The following CPA6 variants were observed in gnomAD, a reference collection of about 807,000 sequenced individuals.
CPA6 encodes carboxypeptidase B.
CPA6 carries 58 observed loss-of-function variants against 63.3 expected under a neutral mutation model. The ratio of observed to expected loss-of-function variants is 0.92; its 90% confidence interval spans 0.74 to 1.14. CPA6 has a LOEUF of 1.14. Ranked by LOEUF, CPA6 falls within the 50% of genes most tolerant of loss-of-function variation. The pLI, the probability that CPA6 is intolerant of heterozygous loss-of-function variation, is 0.00. For synonymous variants in CPA6, 185 were observed against 179.0 expected (o/e 1.03, Z -0.27); for missense variants, 565 against 526.6 (o/e 1.07, Z -0.71).
At chr8:67,440,076 A>T (rs2128953567) in intron 8 of CPA6, among the ~76,000 whole-genome samples, 1 of 152,318 alleles carries the variant, frequency 6.6e-6, no homozygotes. Flanking sequence ...AAACTAAGCC[A>T]CTTAAAATAA....
At chr8:67,673,214 C>T (rs17347099) in intron 1 of CPA6, among the ~76,000 whole-genome samples, 6,146 of 151,930 alleles carry the variant, frequency 0.04, 163 homozygotes, top group Middle Eastern at 0.061. Context: ...CTGTATTTGG[C>T]GGCATTCATT....
At chr8:67,526,057 G>A (rs1336544403) in intron 2 of CPA6, among the ~76,000 whole-genome samples, 1 of 152,132 alleles carries the variant, frequency 6.6e-6, no homozygotes, top group African/African-American at 2.4e-5. Flanking sequence ...TTAGCTTGTT[G>A]CAACAAGTGG....
At chr8:67,565,827 G>C (rs1309545661) in intron 2 of CPA6, among the ~76,000 whole-genome samples, 2 of 152,124 alleles carry the variant, frequency 1.3e-5, no homozygotes, top group Non-Finnish European at 1.5e-5. Flanking sequence ...TCTCTGAGAT[G>C]TCATCTTCAC....
intron 1 of CPA6, among the ~76,000 whole-genome samples, chr8:67,685,873 C>T (rs545521097): frequency 6.6e-6 from 1 of 152,292 alleles, no homozygotes; most frequent in East Asian, 1.9e-4. Flanking sequence ...GGTTTGCTCT[C>T]TTATTTCATT....
chr8:67,551,312 A>G (rs1812931994), intron 2 of CPA6, among the ~76,000 whole-genome samples: 1 of 151,654 alleles, frequency 6.6e-6, no homozygotes. Flanking sequence ...CTTATTTTTT[A>G]TTGAAAATGA....
intron 8 of CPA6, among the ~76,000 whole-genome samples, chr8:67,478,707 A>T (rs190736575): frequency 6.6e-6 from 1 of 152,344 alleles, no homozygotes; most frequent in Admixed American, 6.5e-5. Context: ...CAGAGGGCAG[A>T]TCCAATTCCA....
chr8:67,695,221 G>A (rs1239573586), intron 1 of CPA6, among the ~76,000 whole-genome samples: 4 of 152,076 alleles, frequency 2.6e-5, no homozygotes, highest in African/African-American at 9.7e-5. Context: ...AACAAAATGG[G>A]CCGTAGTGGC....
chr8:67,733,196 CAAA>C (rs1211323183), intron 1 of CPA6, among the ~76,000 whole-genome samples: 1 of 14,896 alleles, frequency 6.7e-5, no homozygotes, highest in Non-Finnish European at 1.4e-4. Context: ...GACTCCATCT[CAAA>C]AAAAAAAAAA....
chr8:67,583,982 C>T (rs1260508299), intron 2 of CPA6, among the ~76,000 whole-genome samples: 2 of 151,862 alleles, frequency 1.3e-5, no homozygotes, highest in African/African-American at 4.8e-5. Context: ...ATGGTGAATC[C>T]CCGTCTCTAC....
intron 7 of CPA6, among the ~76,000 whole-genome samples, chr8:67,484,224 C>T (rs1213242713): frequency 6.6e-6 from 1 of 152,140 alleles, no homozygotes; most frequent in Non-Finnish European, 1.5e-5. Flanking sequence ...CGCCCGCCAC[C>T]GCGCCCGGCT....
chr8:67,578,108 G>C (rs1264256227), intron 2 of CPA6, among the ~76,000 whole-genome samples: 2 of 151,994 alleles, frequency 1.3e-5, no homozygotes, highest in Non-Finnish European at 2.9e-5. Context: ...TTTTTAGTTT[G>C]AAGGCTGTAC....
chr8:67,640,591 G>A (rs1468499168), intron 1 of CPA6, among the ~76,000 whole-genome samples: 3 of 151,392 alleles, frequency 2.0e-5, no homozygotes, highest in Admixed American at 2.0e-4. Context: ...TGCTGTGCCT[G>A]GGAGGGTAGG....
chr8:67,586,549 T>G (rs868625452), intron 2 of CPA6, among the ~76,000 whole-genome samples: 3 of 152,200 alleles, frequency 2.0e-5, no homozygotes, highest in African/African-American at 7.2e-5. Flanking sequence ...TAAGGTGTTC[T>G]GTTTGATTAC....
At chr8:67,732,441 T>C (rs986465798) in intron 1 of CPA6, 1 of 152,258 alleles carries the variant, frequency 6.6e-6, no homozygotes, top group African/African-American at 2.4e-5. Context: ...TTTGAAAATC[T>C]TCACTGAACA....
chr8:67,506,674 C>T (rs1222617023), intron 6 of CPA6, 113 bp downstream of exon 6: 13 of 701,742 alleles, frequency 1.9e-5, no homozygotes, highest in Non-Finnish European at 2.9e-5. Flanking sequence ...CAAGGTGTTA[C>T]TGTTATTCAA....
intron 2 of CPA6, among the ~76,000 whole-genome samples, chr8:67,606,220 T>C (rs1814634090): frequency 6.7e-6 from 1 of 148,464 alleles, no homozygotes; most frequent in Non-Finnish European, 1.5e-5. Flanking sequence ...TTAGGAGATA[T>C]ACCTAATGCT....
intron 2 of CPA6, among the ~76,000 whole-genome samples, chr8:67,564,146 G>T (rs1364578989): frequency 2.0e-5 from 3 of 152,150 alleles, no homozygotes; most frequent in Admixed American, 2.0e-4. Context: ...TGACATCACT[G>T]CCCCAGAAGA....
chr8:67,429,460 A>G (rs537952037), intron 9 of CPA6, among the ~76,000 whole-genome samples: 37 of 152,276 alleles, frequency 2.4e-4, no homozygotes, highest in Non-Finnish European at 4.1e-4. Context: ...TGTGTGCTGG[A>G]CTGAGTTTCA....
Position 67,710,480 on chromosome 8 carries a change from G to A in CPA6, c.116+35534C>T, listed in dbSNP as rs552719392. 4.7e-5 allele frequency among the ~76,000 whole-genome samples: 7 copies of A among 148,908 alleles called. No individual in the cohort carries two copies. In the South Asian group the frequency reaches 1.5e-3, roughly 32 times the overall value. On this transcript the variant is annotated intron_variant, in intron 1 of 10. Transcript: ENST00000297770. ...ATATGTCAGAGAAATATATTTTGGG[G>A]TAAAATATTTTTATTTTTTTCTGTC...
Sources: gnomAD v4.1 joint callset for allele counts (sites outside exome capture counted in the v4.1 genomes callset) on GRCh38, gnomAD v4.1.1 for gene constraint, MANE v1.5 for transcripts, NCBI Gene and HGNC (gene_info 2026-07-23, HGNC 2026-07-21) for gene names.